CNTNAP2: variants seen among roughly 807,000 people sequenced by gnomAD.
CNTNAP2 encodes the protein contactin associated protein 2.
Under a neutral mutation model 155.2 loss-of-function variants are expected in CNTNAP2, and 98 were observed. That is an observed-to-expected ratio of 0.63 (90% CI 0.54 to 0.75). CNTNAP2 has a LOEUF of 0.75. Ranked by LOEUF, CNTNAP2 falls within the 30% of genes least tolerant of loss-of-function variation. The probability of loss-of-function intolerance (pLI) is 0.00; values close to 1 mark genes in which losing one functional copy is unlikely to be tolerated. For missense variants in CNTNAP2, 1,727 were observed against 1,688.1 expected, an observed-to-expected ratio of 1.02 and a Z score of -0.40; for synonymous variants, 651 against 631.2, an observed-to-expected ratio of 1.03 and a Z score of -0.47.
At chr7:147,345,693 T>G (rs1484758244) in intron 9 of CNTNAP2, among the ~76,000 whole-genome samples, 4 of 152,220 alleles carry the variant, frequency 2.6e-5, no homozygotes, top group African/African-American at 9.6e-5. Flanking sequence ...TTTTTTTCTG[T>G]TTCATTAAAG....
rs561592748 is a variant in CNTNAP2, at chr7:147,697,774, C to T, written c.2098+58468C>T. ...AGATTCAGCTCTGGTAAAATAGTTT[C>T]TCCTCTGGGTAGGCCTTGTTAAGAA... On this transcript the variant is annotated intron_variant, in intron 13 of 23. Coordinates refer to ENST00000361727, the MANE Select transcript of CNTNAP2 (RefSeq NM_014141.6). Among the ~76,000 whole-genome samples the T allele has an allele frequency of 3.7e-3, 563 of 152,262 alleles. 6 individuals carry two copies. Among genetic ancestry groups the T allele is most frequent in the South Asian group, 0.017 (83 of 4,828 alleles).
At chr7:148,111,707 T>C (rs972510882) in intron 15 of CNTNAP2, among the ~76,000 whole-genome samples, 5 of 152,276 alleles carry the variant, frequency 3.3e-5, no homozygotes, top group Non-Finnish European at 7.4e-5. Flanking sequence ...AAAATGTAGG[T>C]TGCATATAAG....
intron 9 of CNTNAP2, among the ~76,000 whole-genome samples, chr7:147,376,531 T>C (rs1796436718): frequency 6.6e-6 from 1 of 152,030 alleles, no homozygotes; most frequent in African/African-American, 2.4e-5. Flanking sequence ...CATTGTATAC[T>C]AACCTTCCTT....
chr7:148,076,622 A>G (rs750468706), intron 15 of CNTNAP2, among the ~76,000 whole-genome samples: 16 of 151,620 alleles, frequency 1.1e-4, no homozygotes, highest in Non-Finnish European at 2.1e-4. Flanking sequence ...TTTTTAGTAC[A>G]GACGGGGTTT....
intron 3 of CNTNAP2, among the ~76,000 whole-genome samples, chr7:146,915,659 TG>T (rs1796377727): frequency 6.6e-6 from 1 of 152,208 alleles, no homozygotes; most frequent in African/African-American, 2.4e-5. Flanking sequence ...TACTGATTTT[TG>T]TACATTAATT....
chr7:146,841,612 C>G (rs2129200979), intron 3 of CNTNAP2, among the ~76,000 whole-genome samples: 1 of 152,192 alleles, frequency 6.6e-6, no homozygotes, highest in Non-Finnish European at 1.5e-5. Context: ...GGTAAAATTA[C>G]TTGAGGGGTT....
intron 9 of CNTNAP2, among the ~76,000 whole-genome samples, chr7:147,359,330 G>A (rs1038388706): frequency 5.3e-5 from 8 of 151,944 alleles, no homozygotes; most frequent in Admixed American, 6.6e-5. Flanking sequence ...CTGCTGTCCC[G>A]AGCCCCTATA....
At chr7:147,325,140 A>T (rs2116828858) in intron 9 of CNTNAP2, among the ~76,000 whole-genome samples, 1 of 152,210 alleles carries the variant, frequency 6.6e-6, no homozygotes, top group Non-Finnish European at 1.5e-5. Flanking sequence ...CTGTACTAAA[A>T]ATACAAAAAA....
chr7:148,151,206 C>T (rs1265233813), intron 17 of CNTNAP2, among the ~76,000 whole-genome samples: 1 of 152,102 alleles, frequency 6.6e-6, no homozygotes, highest in Non-Finnish European at 1.5e-5. Flanking sequence ...ATTAGGAATA[C>T]AGCTCCTACA....
chr7:147,038,762 T>C (rs1799205979), intron 3 of CNTNAP2, among the ~76,000 whole-genome samples: 1 of 152,216 alleles, frequency 6.6e-6, no homozygotes, highest in Non-Finnish European at 1.5e-5. Flanking sequence ...TTTTACATTA[T>C]GCAATGGTCT....
At chr7:147,181,199 G>A (rs1802449541) in intron 8 of CNTNAP2, among the ~76,000 whole-genome samples, 1 of 152,058 alleles carries the variant, frequency 6.6e-6, no homozygotes, top group Non-Finnish European at 1.5e-5. Flanking sequence ...TGAGCTGGGG[G>A]GACAGCAGGT....
intron 14 of CNTNAP2, among the ~76,000 whole-genome samples, chr7:147,951,658 G>A (rs564096159): frequency 6.6e-5 from 10 of 151,774 alleles, no homozygotes; most frequent in African/African-American, 2.4e-4. Context: ...TTGGGTGGGG[G>A]GAAGAGCAAT....
intron 21 of CNTNAP2, among the ~76,000 whole-genome samples, chr7:148,282,430 C>T (rs1256059788): frequency 6.6e-6 from 1 of 152,098 alleles, no homozygotes; most frequent in Admixed American, 6.5e-5. Flanking sequence ...TTTTCTTAAC[C>T]GTGAAATGAG....
At chr7:148,251,601 G>T (rs1438390916) in intron 20 of CNTNAP2, among the ~76,000 whole-genome samples, 1 of 152,174 alleles carries the variant, frequency 6.6e-6, no homozygotes, top group Admixed American at 6.5e-5. Flanking sequence ...CATGTTTGAT[G>T]AAAAGAAGGG....
intron 3 of CNTNAP2, among the ~76,000 whole-genome samples, chr7:146,964,257 T>G (rs1398469804): frequency 6.6e-6 from 1 of 152,234 alleles, no homozygotes; most frequent in Admixed American, 6.5e-5. Context: ...TAGAATTTGC[T>G]GCAAAGTGTT....
chr7:147,333,058 A>G (rs1795600889), intron 9 of CNTNAP2, among the ~76,000 whole-genome samples: 1 of 152,162 alleles, frequency 6.6e-6, no homozygotes, highest in African/African-American at 2.4e-5. Context: ...TCTCAAATTT[A>G]TTTGACCCTT....
chr7:146,311,512 C>G (rs73461940), intron 1 of CNTNAP2, among the ~76,000 whole-genome samples: 12,883 of 149,072 alleles, frequency 0.086, 1,548 homozygotes, highest in African/African-American at 0.27. Flanking sequence ...TGGCTCAGAC[C>G]TGTAATTCTA....
chr7:146,245,690 A>G (rs1230468315), intron 1 of CNTNAP2, among the ~76,000 whole-genome samples: 3 of 152,128 alleles, frequency 2.0e-5, no homozygotes, highest in East Asian at 3.9e-4. Context: ...ATGCCGAGAT[A>G]GGTAACAGAT....
intron 21 of CNTNAP2, among the ~76,000 whole-genome samples, chr7:148,277,590 C>CT (rs1554410993): frequency 7.2e-6 from 1 of 138,180 alleles, no homozygotes; most frequent in Non-Finnish European, 1.6e-5. Flanking sequence ...TACAGGACCG[C>CT]CCCCCACCAC....
Sources: allele counts gnomAD v4.1 joint callset (sites outside exome capture counted in the v4.1 genomes callset), GRCh38; gene constraint gnomAD v4.1.1; transcripts MANE v1.5; gene names NCBI Gene and HGNC (gene_info 2026-07-23, HGNC 2026-07-21).